The following AKAP19 variants were observed in gnomAD, a reference collection of about 807,000 sequenced individuals.
AKAP19 encodes the protein A-kinase anchoring protein 19.
At chr2:190,066,649 A>ATAGT in the AKAP19 span, among the ~76,000 whole-genome samples, 408 of 152,278 alleles carry the variant, frequency 2.7e-3, no homozygotes, top group Non-Finnish European at 4.5e-3. Flanking sequence ...CATGCTTTTG[A>ATAGT]TAGTTAGAAG....
At chr2:189,935,798 T>C in the AKAP19 span, among the ~76,000 whole-genome samples, 2 of 152,154 alleles carry the variant, frequency 1.3e-5, no homozygotes, top group African/African-American at 4.8e-5. Flanking sequence ...TTTTAATTTG[T>C]TGATCAAAAG....
At chr2:190,082,727 A>G in the AKAP19 span, among the ~76,000 whole-genome samples, 2,759 of 152,330 alleles carry the variant, frequency 0.018, 82 homozygotes, top group African/African-American at 0.063. Flanking sequence ...ACAAATTAGG[A>G]AGCTAAGGCA....
At chr2:190,133,038 C>T in the AKAP19 span, among the ~76,000 whole-genome samples, 40 of 151,766 alleles carry the variant, frequency 2.6e-4, no homozygotes, top group African/African-American at 1.5e-4. Flanking sequence ...AGATAGAGAC[C>T]ATCCTGGCTA....
chr2:190,016,108 G>C, the AKAP19 span, among the ~76,000 whole-genome samples: 36,263 of 152,058 alleles, frequency 0.24, 5,183 homozygotes, highest in African/African-American at 0.41. Context: ...CAACCTCTGC[G>C]TGTTACCCAG....
the AKAP19 span, among the ~76,000 whole-genome samples, chr2:190,010,899 GTTTA>G: frequency 6.8e-4 from 103 of 151,966 alleles, no homozygotes; most frequent in Middle Eastern, 3.4e-3. Context: ...CAACATCTCA[GTTTA>G]TTTGTTTTCT....
the AKAP19 span, among the ~76,000 whole-genome samples, chr2:189,950,319 C>T: frequency 3.4e-5 from 5 of 145,278 alleles, no homozygotes; most frequent in Admixed American, 3.5e-4. Flanking sequence ...TGAGCCATGG[C>T]GCCCAGCCTT....
At chr2:190,059,050 A>T in the AKAP19 span, among the ~76,000 whole-genome samples, 1 of 151,786 alleles carries the variant, frequency 6.6e-6, no homozygotes, top group South Asian at 2.1e-4. Context: ...AAAATGAAAA[A>T]ATATTGTATA....
chr2:190,202,328 T>C, the AKAP19 span: 4 of 167,052 alleles, frequency 2.4e-5, no homozygotes, highest in African/African-American at 9.7e-5. Flanking sequence ...AAATATATGC[T>C]GTATTGTATG....
At chr2:189,880,358 A>G in the AKAP19 span, among the ~76,000 whole-genome samples, 1 of 152,238 alleles carries the variant, frequency 6.6e-6, no homozygotes, top group Non-Finnish European at 1.5e-5. Flanking sequence ...ACCAAAAAGC[A>G]TCTGAGATAG....
the AKAP19 span, among the ~76,000 whole-genome samples, chr2:189,970,706 A>G: frequency 6.6e-6 from 1 of 152,356 alleles, no homozygotes; most frequent in Non-Finnish European, 1.5e-5. Flanking sequence ...CCTAGGCAAG[A>G]GTATCTTTTG....
At chr2:189,884,244 AG>A in the AKAP19 span, among the ~76,000 whole-genome samples, 1 of 152,102 alleles carries the variant, frequency 6.6e-6, no homozygotes, top group African/African-American at 2.4e-5. Context: ...TTGTTTTTAA[AG>A]TGGCTTTAAT....
the AKAP19 span, among the ~76,000 whole-genome samples, chr2:190,103,272 A>C: frequency 6.6e-6 from 1 of 152,214 alleles, no homozygotes; most frequent in African/African-American, 2.4e-5. Flanking sequence ...TCCCCTTGAG[A>C]AGTGGAACAA....
chr2:190,106,550 C>T, the AKAP19 span, among the ~76,000 whole-genome samples: 1 of 152,050 alleles, frequency 6.6e-6, no homozygotes, highest in Non-Finnish European at 1.5e-5. Flanking sequence ...GTCTTAAATT[C>T]CTGGCCTCTC....
chr2:190,070,501 G>A, the AKAP19 span, among the ~76,000 whole-genome samples: 1 of 150,720 alleles, frequency 6.6e-6, no homozygotes, highest in African/African-American at 2.4e-5. Context: ...TCTGGCCCCT[G>A]CTGGGAACTC....
chr2:189,988,293 G>A, the AKAP19 span, among the ~76,000 whole-genome samples: 2 of 152,198 alleles, frequency 1.3e-5, no homozygotes, highest in African/African-American at 4.8e-5. Context: ...GTAAAACTTT[G>A]ATGTAGTTAC....
chr2:190,032,896 CTTAA>C, the AKAP19 span, among the ~76,000 whole-genome samples: 2 of 152,058 alleles, frequency 1.3e-5, no homozygotes, highest in Non-Finnish European at 2.9e-5. Flanking sequence ...TCACATCAAT[CTTAA>C]TTAAATATTA....
chr2:190,188,830 G>A, the AKAP19 span, among the ~76,000 whole-genome samples: 2 of 152,056 alleles, frequency 1.3e-5, no homozygotes, highest in Non-Finnish European at 2.9e-5. Context: ...TTTTATTCAT[G>A]ATAAATCTTG....
the AKAP19 span, among the ~76,000 whole-genome samples, chr2:190,037,202 A>T: frequency 6.6e-6 from 1 of 152,172 alleles, no homozygotes; most frequent in African/African-American, 2.4e-5. Flanking sequence ...CTAAGACTTG[A>T]TCTGATTTTT....
the AKAP19 span, chr2:190,150,440 C>T: frequency 2.6e-5 from 4 of 152,222 alleles, no homozygotes; most frequent in African/African-American, 9.7e-5. Context: ...CAAATTGACT[C>T]AGCTCCAGGT....
Sources: gnomAD v4.1 joint callset for allele counts (sites outside exome capture counted in the v4.1 genomes callset) on GRCh38, gnomAD v4.1.1 for gene constraint, MANE v1.5 for transcripts, NCBI Gene and HGNC (gene_info 2026-07-23, HGNC 2026-07-21) for gene names.